The following TMEM106B variants were observed in gnomAD, a reference collection of about 807,000 sequenced individuals.
The protein encoded by TMEM106B is transmembrane protein 106B.
In TMEM106B, 15 loss-of-function variants were observed where a neutral mutation model predicts 31.1. The observed-to-expected ratio is 0.48, with a 90% CI of 0.32 to 0.74. The LOEUF (loss-of-function observed/expected upper bound fraction) is 0.74. Among genes scored for constraint, TMEM106B ranks in the 30% least tolerant of loss-of-function variants. The pLI, the probability that TMEM106B is intolerant of heterozygous loss-of-function variation, is 0.03. For synonymous variants in TMEM106B, 126 were observed against 112.5 expected (o/e 1.12, Z -0.76); for missense variants, 283 against 327.3 (o/e 0.86, Z 1.04).
chr7:12,215,939 G>A (rs150520899), intron 2 of TMEM106B: 1 of 153,792 alleles, frequency 6.5e-6, no homozygotes, highest in East Asian at 1.9e-4. Context: ...AAATAATAAA[G>A]ATACTTTATG....
chr7:12,219,528 TA>T (rs1781747729), intron 3 of TMEM106B, among the ~76,000 whole-genome samples: 1 of 152,174 alleles, frequency 6.6e-6, no homozygotes, highest in South Asian at 2.1e-4. Context: ...ACTGACACTT[TA>T]ATAAAGGCAT....
intron 3 of TMEM106B, among the ~76,000 whole-genome samples, 197 bp from the exon 4 acceptor site, chr7:12,224,029 T>TTTTA (rs1472376436): frequency 6.6e-6 from 1 of 152,172 alleles, no homozygotes; most frequent in Non-Finnish European, 1.5e-5. Flanking sequence ...GATTTCATCT[T>TTTTA]TTAAAGAGAA....
At position 12,237,838 on chromosome 7, in the gene TMEM106B, C is replaced by T. The variant is rs148658768; in HGVS notation, c.*5863C>T. 16,289 of 151,690 alleles carry T rather than the reference C, an allele frequency of 0.11. 1,032 individuals are homozygous for T. The highest frequency in any genetic ancestry group is 0.13 in the Non-Finnish European group (8,770 of 68,100). The allele number at this position is 151,690 out of a possible 1,614,324, so 9.4% of individuals were successfully genotyped here. Reference sequence around the variant, plus strand: ...ACATACACACACACACACACACACACACACACACACACACACACTATTGCT... The same window carrying T: ...ACATACACACACACACACACACACATACACACACACACACACACTATTGCT... On this transcript the variant is annotated 3_prime_UTR_variant, in exon 8 of 8. Coordinates refer to ENST00000396668, the MANE Select transcript of TMEM106B (RefSeq NM_001134232.2).
In TMEM106B at chr7:12,231,107, C is replaced by A; in HGVS notation, c.678C>A (p.Leu226=). 6.3e-7 allele frequency: 1 copy of A among 1,599,712 alleles called. No individual in the cohort carries two copies. The highest frequency in any genetic ancestry group is 1.1e-5 in the South Asian group (1 of 88,936). ...CCATCAAAGTGCATAACATAGTACTCATGATGCAGTAAGTACAAATCTTTT... is the reference window on the plus strand; with the variant it reads ...CCATCAAAGTGCATAACATAGTACTAATGATGCAGTAAGTACAAATCTTTT... ...LISIKVHNIV[L]MMQVTVTTTY... Residue 226 remains leucine, a synonymous_variant, in exon 7 of 8, where the codon CTC becomes CTA. Coordinates refer to ENST00000396668, the MANE Select transcript of TMEM106B (RefSeq NM_001134232.2).
rs1562710735 is a variant in TMEM106B, at chr7:12,233,237, T to TG, written c.*1262_*1263insG. The TG allele has an allele frequency of 6.4e-5, 6 of 93,952 alleles. No individual in the cohort carries two copies. The highest frequency in any genetic ancestry group is 1.3e-4 in the Non-Finnish European group (6 of 46,850). 5.8% of individuals were successfully genotyped at this position (93,952 alleles called of 1,614,324 possible). On this transcript the variant is annotated 3_prime_UTR_variant, in exon 8 of 8. Coordinates refer to ENST00000396668, the MANE Select transcript of TMEM106B (RefSeq NM_001134232.2). ...TTATATTTTCAGTATCATTTTTCAT[T>TG]TTTTTTTTTTTTTGTCTTTTCACTT...
chr7:12,235,618 A>G lies in TMEM106B; in HGVS notation c.*3643A>G, dbSNP rs1782116901. ...TGGTTCTTAGCCTTATTATTGTGAT[A>G]TAATTCTAGATATTTTCTTGGAGGG... is the stretch of plus-strand genomic sequence containing the variant. On this transcript the variant is annotated 3_prime_UTR_variant, in exon 8 of 8. Transcript: ENST00000396668. The G allele has an allele frequency of 6.6e-6, 1 of 151,844 alleles. No homozygotes were observed. The highest frequency in any genetic ancestry group is 1.5e-5 in the Non-Finnish European group (1 of 67,824). 9.4% of individuals were successfully genotyped at this position (151,844 alleles called of 1,614,324 possible).
intron 6 of TMEM106B, 171 bp downstream of exon 6, chr7:12,230,609 A>C: frequency 2.0e-6 from 1 of 490,558 alleles, no homozygotes; most frequent in South Asian, 3.5e-5. Context: ...TATAATATTC[A>C]TGTATATATA....
intron 7 of TMEM106B, 60 bp from the exon 8 acceptor site, chr7:12,231,777 A>G (rs1449738271): frequency 7.2e-7 from 1 of 1,388,720 alleles, no homozygotes; most frequent in Non-Finnish European, 9.9e-7. Context: ...AAGTAGTCTC[A>G]CTATGGAAAA....
intron 3 of TMEM106B, among the ~76,000 whole-genome samples, chr7:12,223,040 G>T (rs1434181544): frequency 1.3e-5 from 2 of 152,088 alleles, no homozygotes; most frequent in Non-Finnish European, 2.9e-5. Context: ...AACAAAAAAA[G>T]GATGTTGTGG....
At position 12,236,098 on chromosome 7, in the gene TMEM106B, A is replaced by T. The variant is rs1427890008; in HGVS notation, c.*4123A>T. ...TTTACATTACAACAATATATTTATG[A>T]TGTGTTCAGATCAAAAATTTAACTT... is the stretch of plus-strand genomic sequence containing the variant. On this transcript the variant is annotated 3_prime_UTR_variant, in exon 8 of 8. Transcript: ENST00000396668. The T allele has an allele frequency of 6.6e-6, 1 of 151,976 alleles. No homozygotes were observed. The highest frequency in any genetic ancestry group is 2.4e-5 in the African/African-American group (1 of 41,436). 9.4% of individuals were successfully genotyped at this position (151,976 alleles called of 1,614,324 possible).
intron 3 of TMEM106B, among the ~76,000 whole-genome samples, chr7:12,219,588 C>T (rs1326036895): frequency 6.6e-6 from 1 of 152,098 alleles, no homozygotes; most frequent in Non-Finnish European, 1.5e-5. Context: ...AAAGCTATAA[C>T]AGGACAGCAT....
rs1401973000 is a variant in TMEM106B, at chr7:12,237,842, C to CAT, written c.*5868_*5869insTA. The CAT allele has an allele frequency of 2.6e-5, 4 of 151,712 alleles. No individual in the cohort carries two copies. Among genetic ancestry groups the CAT allele is most frequent in the African/African-American group, 9.8e-5 (4 of 40,892 alleles). The allele number at this position is 151,712 out of a possible 1,614,324, so 9.4% of individuals were successfully genotyped here. On this transcript the variant is annotated 3_prime_UTR_variant, in exon 8 of 8. Transcript: ENST00000396668. ...ACACACACACACACACACACACACACACACACACACACACTATTGCTAAAA... is the reference window on the plus strand; with the variant it reads ...ACACACACACACACACACACACACACATACACACACACACACTATTGCTAAAA...
At chr7:12,216,723 G>T (rs1022154191) in intron 2 of TMEM106B, among the ~76,000 whole-genome samples, 5 of 152,144 alleles carry the variant, frequency 3.3e-5, no homozygotes, top group African/African-American at 1.2e-4. Flanking sequence ...AAATCATTGT[G>T]TGTGGTATCA....
At chr7:12,217,116 G>C (rs1781703095) in intron 2 of TMEM106B, among the ~76,000 whole-genome samples, 1 of 152,132 alleles carries the variant, frequency 6.6e-6, no homozygotes, top group Non-Finnish European at 1.5e-5. Flanking sequence ...TAATTCGGGA[G>C]ATAAGAGAAT....
intron 7 of TMEM106B, 23 bp downstream of exon 7, chr7:12,231,138 A>C (rs1782012995): frequency 6.4e-7 from 1 of 1,565,916 alleles, no homozygotes; most frequent in African/African-American, 1.4e-5. Flanking sequence ...CTTTTTTGAA[A>C]GAGATTTTGC....
At chr7:12,213,763 T>TAC (rs2128523837) in intron 1 of TMEM106B, among the ~76,000 whole-genome samples, 1 of 152,308 alleles carries the variant, frequency 6.6e-6, no homozygotes, top group African/African-American at 2.4e-5. Context: ...CCAAAAGGTA[T>TAC]AATCCAAAAG....
At chr7:12,211,991 A>G (rs960595857) in intron 1 of TMEM106B, among the ~76,000 whole-genome samples, 2 of 152,240 alleles carry the variant, frequency 1.3e-5, no homozygotes, top group African/African-American at 4.8e-5. Context: ...AAGAGGGTCT[A>G]GCACCCCTTT....
chr7:12,217,743 A>G (rs1235250550), intron 2 of TMEM106B, among the ~76,000 whole-genome samples: 1 of 152,184 alleles, frequency 6.6e-6, no homozygotes, highest in Non-Finnish European at 1.5e-5. Flanking sequence ...GGGGGAAATA[A>G]CAGAAGCATT....
chr7:12,230,979 C>T, intron 6 of TMEM106B, 83 bp from the exon 7 acceptor site: 1 of 906,516 alleles, frequency 1.1e-6, no homozygotes, highest in Non-Finnish European at 1.7e-6. Flanking sequence ...CTTAGCATCT[C>T]TGTTAGCTTT....
Sources: gnomAD v4.1 joint callset for allele counts (sites outside exome capture counted in the v4.1 genomes callset) on GRCh38, gnomAD v4.1.1 for gene constraint, MANE v1.5 for transcripts, NCBI Gene and HGNC (gene_info 2026-07-23, HGNC 2026-07-21) for gene names.